The following USP50 variants were observed in gnomAD, a reference collection of about 807,000 sequenced individuals.
The protein encoded by USP50 is ubiquitin carboxyl-terminal hydrolase 50.
In USP50, 37 loss-of-function variants were observed where a neutral mutation model predicts 39.2. The ratio of observed to expected loss-of-function variants is 0.94; its 90% CI spans 0.73 to 1.24. The LOEUF (loss-of-function observed/expected upper bound fraction) is 1.24. USP50 is among the 50% of genes most tolerant of loss of function. USP50 has a pLI of 0.00. For missense variants in USP50, 374 were observed against 398.2 expected, an observed-to-expected ratio of 0.94 and a Z score of 0.52; for synonymous variants, 139 against 144.5, an observed-to-expected ratio of 0.96 and a Z score of 0.27.
chr15:50,493,832 T>G, downstream of USP50: 1 of 659,532 alleles, frequency 1.5e-6, no homozygotes. Context: ...TGTCATGAAC[T>G]GGAGCCTGTT....
intron 6 of USP50, chr15:50,512,206 T>C (rs550025061): frequency 6.6e-6 from 1 of 151,208 alleles, no homozygotes; most frequent in East Asian, 2.0e-4. Flanking sequence ...AATACACCTG[T>C]AGTCCCAGCT....
chr15:50,533,200 A>AG (rs1478409660), intron 5 of USP50, among the ~76,000 whole-genome samples: 1 of 151,714 alleles, frequency 6.6e-6, no homozygotes, highest in African/African-American at 2.4e-5. Flanking sequence ...AAAAAAAAAA[A>AG]AAAAGCACAA....
chr15:50,493,965 G>A (rs759637975), downstream of USP50: 9 of 1,260,754 alleles, frequency 7.1e-6, no homozygotes, highest in Middle Eastern at 2.2e-4. Flanking sequence ...TTAATGTAGT[G>A]CTACAGTATG....
At chr15:50,496,845 A>C, downstream of USP50, 3 of 337,836 alleles carry the variant, frequency 8.9e-6, no homozygotes, top group Non-Finnish European at 1.6e-5. Flanking sequence ...CTGATTGACC[A>C]GGTTAGGGGC....
At chr15:50,513,518 T>TAAAAAAAAAAAAAA in intron 6 of USP50, 1 of 85,980 alleles carries the variant, frequency 1.2e-5, no homozygotes, top group Non-Finnish European at 2.3e-5. Flanking sequence ...CGAAACTGTC[T>TAAAAAAAAAAAAAA]AAAAAAAAAA....
chr15:50,539,226 A>G (rs1421077907), intron 4 of USP50, among the ~76,000 whole-genome samples: 3 of 148,490 alleles, frequency 2.0e-5, no homozygotes, highest in Non-Finnish European at 4.4e-5. Flanking sequence ...CTCCTGCCTC[A>G]GCCTCCTGAG....
At chr15:50,498,529 G>GTTAA (rs968502033), downstream of USP50, 1 of 1,479,294 alleles carries the variant, frequency 6.8e-7, no homozygotes, top group African/African-American at 1.4e-5. Context: ...AAATCTAGAT[G>GTTAA]TTAATGAATG....
rs756668671 is a variant in USP50, at chr15:50,546,559, T to C, written c.-34A>G. 7.4e-6 allele frequency: 12 copies of C among 1,611,002 alleles called. No individual in the cohort carries two copies. The highest frequency in any genetic ancestry group is 1.3e-5 in the African/African-American group (1 of 74,882). On this transcript the variant is annotated 5_prime_UTR_variant, in exon 1 of 7. Transcript: ENST00000532404. ...AACCACGTTGGACTTTTGCTTCTATTCAGGAGCTACATCTATTCCTTTCAA... is the reference window on the plus strand; with the variant it reads ...AACCACGTTGGACTTTTGCTTCTATCCAGGAGCTACATCTATTCCTTTCAA...
downstream of USP50, chr15:50,498,880 T>G: frequency 1.3e-6 from 2 of 1,567,540 alleles, no homozygotes. Flanking sequence ...AATTGATTTT[T>G]TTTTCTATCT....
intron 6 of USP50, among the ~76,000 whole-genome samples, chr15:50,525,598 A>G (rs921311645): frequency 2.8e-5 from 4 of 144,828 alleles, no homozygotes; most frequent in Non-Finnish European, 4.5e-5. Context: ...ATATGTATAT[A>G]TGTATATGTA....
At chr15:50,535,740 A>G (rs1308283342) in intron 5 of USP50, among the ~76,000 whole-genome samples, 1 of 152,154 alleles carries the variant, frequency 6.6e-6, no homozygotes, top group African/African-American at 2.4e-5. Flanking sequence ...ATAGTGAGAC[A>G]TCAACTCTAC....
At chr15:50,535,361 T>A (rs936478052) in intron 5 of USP50, among the ~76,000 whole-genome samples, 3 of 152,166 alleles carry the variant, frequency 2.0e-5, no homozygotes, top group African/African-American at 7.2e-5. Context: ...GAATATATAT[T>A]ATTCTCAAGC....
chr15:50,495,368 A>G (rs982584634), intron 1 of USP50, among the ~76,000 whole-genome samples: 5 of 151,176 alleles, frequency 3.3e-5, no homozygotes, highest in Non-Finnish European at 7.4e-5. Context: ...ATAGAGAGAG[A>G]GAGGCTAGGG....
At chr15:50,493,517 C>CTGACGTGGGCAGA (rs1209800668), downstream of USP50, 1 of 517,390 alleles carries the variant, frequency 1.9e-6, no homozygotes, top group African/African-American at 1.9e-5. Context: ...CTTTGGGAGG[C>CTGACGTGGGCAGA]TGACGTGGGC....
In USP50 at chr15:50,538,822, G is replaced by A. The variant is rs375174335; in HGVS notation, c.690C>T (p.Asp230=). 243 of 1,609,286 alleles carry A rather than the reference G, an allele frequency of 1.5e-4. No homozygotes were observed. Among genetic ancestry groups the A allele is most frequent in the Non-Finnish European group, 2.0e-4 (231 of 1,178,186 alleles). ...GAATTTCGTTGTTCCAGGTCAGTGC[G>A]TCTTGTTGAAAAAAACATTGGAGAC... ...RDCLQCFFQQ[D]ALTWNNEIHC... Residue 230 remains aspartate, a synonymous_variant, in exon 5 of 7, where the codon GAC becomes GAT. Transcript: ENST00000532404.
chr15:50,510,447 T>G (rs956860379), intron 6 of USP50: 4 of 152,106 alleles, frequency 2.6e-5, no homozygotes, highest in African/African-American at 9.7e-5. Flanking sequence ...TTGGATGGAT[T>G]CTGGTCTTTG....
chr15:50,541,414 G>A, intron 3 of USP50, 150 bp from the exon 4 acceptor site: 2 of 647,838 alleles, frequency 3.1e-6, no homozygotes. Context: ...TTGGGAGGTT[G>A]AGGTTGGAGG....
intron 6 of USP50, among the ~76,000 whole-genome samples, chr15:50,523,366 T>G (rs1596012811): frequency 6.6e-6 from 1 of 150,542 alleles, no homozygotes; most frequent in Non-Finnish European, 1.5e-5. Flanking sequence ...AGAGACAGGG[T>G]CTCCCTATGT....
downstream of USP50, chr15:50,496,121 A>G (rs922385143): frequency 2.0e-6 from 3 of 1,493,042 alleles, no homozygotes; most frequent in Non-Finnish European, 2.8e-6. Flanking sequence ...GATTTATTGG[A>G]TAAAAATGCT....
Sources: allele counts gnomAD v4.1 joint callset (sites outside exome capture counted in the v4.1 genomes callset), GRCh38; gene constraint gnomAD v4.1.1; transcripts MANE v1.5; gene names NCBI Gene and HGNC (gene_info 2026-07-23, HGNC 2026-07-21).